The following ARAP1 variants were observed in gnomAD, a reference collection of about 807,000 sequenced individuals.
ARAP1 encodes ArfGAP with RhoGAP domain, ankyrin repeat and PH domain 1.
Under a neutral mutation model 172.2 loss-of-function variants are expected in ARAP1, and 76 were observed. The observed-to-expected ratio is 0.44, with a 90% CI of 0.37 to 0.53. The LOEUF (loss-of-function observed/expected upper bound fraction) is 0.53, where lower values mean the gene tolerates loss of function less well. ARAP1 is among the 20% of genes least tolerant of loss of function. The pLI is 0.00. For missense variants in ARAP1, 1,686 were observed against 1,977.5 expected (o/e 0.85, Z 2.80); for synonymous variants, 804 against 803.3 (o/e 1.00, Z -0.01).
At chr11:72,702,769 C>G (rs1170349452) in intron 15 of ARAP1, 136 bp downstream of exon 15, 3 of 1,156,156 alleles carry the variant, frequency 2.6e-6, no homozygotes, top group African/African-American at 3.1e-5. Context: ...ACATGCAAAC[C>G]CAAGCACACC....
chr11:72,703,072 CA>C lies in ARAP1; in HGVS notation c.1999del (p.Cys667ValfsTer64), dbSNP rs757831255. ...GNQEELDKAL[C>X]AAVTTTDLAE... ...CAGGTCTGTGGTGGTGACTGCAGCA[CA>C]CAGGGCCTAGGAAGAGGCAGGGGAG... On this transcript the variant is annotated frameshift_variant, in exon 15 of 35. Coordinates refer to ENST00000393609, the MANE Select transcript of ARAP1 (RefSeq NM_001040118.3). LOFTEE classifies it high-confidence loss of function. The C allele has an allele frequency of 6.3e-7, 1 of 1,577,172 alleles. No individual in the cohort carries two copies. The highest frequency in any genetic ancestry group is 1.1e-5 in the South Asian group (1 of 87,568).
intron 30 of ARAP1, among the ~76,000 whole-genome samples, chr11:72,692,290 G>C (rs1360462618): frequency 6.6e-6 from 1 of 152,140 alleles, no homozygotes; most frequent in Non-Finnish European, 1.5e-5. Flanking sequence ...GGAAGCCTCA[G>C]AGAGACTGCT....
At chr11:72,714,713 G>A (rs1857199710) in intron 3 of ARAP1, among the ~76,000 whole-genome samples, 1 of 152,110 alleles carries the variant, frequency 6.6e-6, no homozygotes, top group Admixed American at 6.5e-5. Flanking sequence ...CAAAGAGAAG[G>A]GACAGGATTG....
At chr11:72,721,873 G>C (rs1199262540) in intron 3 of ARAP1, 14 of 985,604 alleles carry the variant, frequency 1.4e-5, no homozygotes, top group Non-Finnish European at 1.7e-5. Flanking sequence ...CTGGGTCTTG[G>C]GGCTGAGGAC....
Position 72,697,642 on chromosome 11 carries a change from C to A in ARAP1, c.2745G>T (p.Gln915His). 1.2e-6 allele frequency: 2 copies of A among 1,614,128 alleles called. No homozygotes were observed. The highest frequency in any genetic ancestry group is 2.2e-5 in the South Asian group (2 of 91,080). ...CCAGCACCTGGTTCTCACTGTCCCCCTGGATGGCTGTGGAGGGGTTAGTCA... is the reference window on the plus strand; with the variant it reads ...CCAGCACCTGGTTCTCACTGTCCCCATGGATGGCTGTGGAGGGGTTAGTCA... ...QLRKLQELSI[Q>H]GDSENQVLVL... The change falls in exon 20 of 35, where the codon CAG (glutamine) becomes CAT (histidine). Residue 915 changes from glutamine (Q) to histidine (H), a missense_variant. This residue lies in a region of ARAP1 where 274 missense variants were observed against 262.7 expected (regional missense o/e 1.04). Coordinates refer to ENST00000393609, the MANE Select transcript of ARAP1 (RefSeq NM_001040118.3).
chr11:72,722,160 A>G (rs1488386262), intron 3 of ARAP1: 27 of 983,076 alleles, frequency 2.7e-5, no homozygotes, highest in Non-Finnish European at 3.3e-5. Context: ...ACAGAGAGAG[A>G]GAGAGAGAGA....
At chr11:72,714,366 A>C in intron 3 of ARAP1, 45 bp from the exon 4 acceptor site, 4 of 1,524,526 alleles carry the variant, frequency 2.6e-6, no homozygotes, top group Non-Finnish European at 3.5e-6. Context: ...AACAGAGCCA[A>C]GACTGAAACA....
intron 3 of ARAP1, chr11:72,721,906 G>A: frequency 1.0e-6 from 1 of 985,972 alleles, no homozygotes; most frequent in Non-Finnish European, 1.2e-6. Context: ...GGCCAGGCGG[G>A]CTGCGTATGC....
chr11:72,718,891 C>CA (rs1416186113), intron 3 of ARAP1, among the ~76,000 whole-genome samples: 4 of 152,192 alleles, frequency 2.6e-5, no homozygotes, highest in African/African-American at 9.7e-5. Flanking sequence ...CTCCAGCACT[C>CA]AGCAGGGACT....
intron 1 of ARAP1, among the ~76,000 whole-genome samples, chr11:72,737,040 CAA>C (rs1400719211): frequency 6.6e-6 from 1 of 152,186 alleles, no homozygotes; most frequent in Non-Finnish European, 1.5e-5. Flanking sequence ...CCAGCTCCTC[CAA>C]AAAGTCTGCC....
chr11:72,685,766 C>T (rs771787599), intron 34 of ARAP1, 85 bp from the exon 35 acceptor site: 1 of 1,557,412 alleles, frequency 6.4e-7, no homozygotes, highest in East Asian at 2.3e-5. Flanking sequence ...GCTGCTGCAG[C>T]CACTCTCCAC....
rs2291288 is a variant in ARAP1, at chr11:72,686,155, C to T, written c.4222G>A (p.Val1408Met). 4.4e-3 allele frequency: 7,082 copies of T among 1,613,864 alleles called. 277 individuals are homozygous for T. In the East Asian group the frequency reaches 0.085, roughly 19 times the overall value. The change falls in exon 34 of 35, where the codon GTG becomes ATG. Residue 1408 changes from valine to methionine, a missense_variant. Transcript: ENST00000393609. ...CGGACCTCAGGCACTGCCCGGGACA[C>T]GCGTGAGGGCTCTGAGGGCCACACC... ...GLVWPSEPSR[V>M]SRAVPEVRLG...
At chr11:72,723,101 A>G (rs2135567143) in intron 3 of ARAP1, among the ~76,000 whole-genome samples, 1 of 152,274 alleles carries the variant, frequency 6.6e-6, no homozygotes, top group South Asian at 2.1e-4. Flanking sequence ...TGAGCCCAGG[A>G]GTTCAAGACC....
intron 3 of ARAP1, among the ~76,000 whole-genome samples, chr11:72,718,261 G>A (rs1366684969): frequency 6.6e-6 from 1 of 152,066 alleles, no homozygotes. Flanking sequence ...CCAGGGAAAA[G>A]GCAGTGACCC....
intron 12 of ARAP1, among the ~76,000 whole-genome samples, chr11:72,706,772 C>T (rs1856782814): frequency 6.6e-6 from 1 of 152,156 alleles, no homozygotes; most frequent in Non-Finnish European, 1.5e-5. Flanking sequence ...CGCCTCCCAT[C>T]GCCCTCCAGA....
At chr11:72,689,887 G>A (rs778025575) in intron 30 of ARAP1, among the ~76,000 whole-genome samples, 1 of 152,190 alleles carries the variant, frequency 6.6e-6, no homozygotes, top group Non-Finnish European at 1.5e-5. Context: ...AACAAGATGT[G>A]GGGGAATATA....
chr11:72,685,985 G>A, intron 34 of ARAP1, 57 bp downstream of exon 34: 1 of 1,613,206 alleles, frequency 6.2e-7, no homozygotes, highest in East Asian at 2.2e-5. Flanking sequence ...TGGAGTAGAA[G>A]GCAGGCACCC....
At chr11:72,718,919 A>G (rs140871889) in intron 3 of ARAP1, among the ~76,000 whole-genome samples, 32 of 152,280 alleles carry the variant, frequency 2.1e-4, no homozygotes, top group African/African-American at 7.0e-4. Context: ...ACCTGGATTC[A>G]TTAACTCTGT....
Position 72,726,811 on chromosome 11 carries a change from T to C in ARAP1, c.318A>G (p.Thr106=), listed in dbSNP as rs1335050096. The C allele has an allele frequency of 6.4e-7, 1 of 1,560,574 alleles. No homozygotes were observed. The highest frequency in any genetic ancestry group is 8.7e-7 in the Non-Finnish European group (1 of 1,152,322). Residue 106 remains threonine (T), a synonymous_variant, in exon 3 of 35, where the codon ACA becomes ACG. Transcript: ENST00000393609. This position sits in a 1 kb window ranked among gnomAD's most constrained non-coding sequence, Gnocchi z 6.5. ...ATPPEPLPTT[T]EDEGLPAAPP... ...GGGCAGCGGGGAGCCCCTCATCCTC[T>C]GTAGTGGTGGGCAGCGGCTCGGGTG...
Sources: gnomAD v4.1 joint callset for allele counts (sites outside exome capture counted in the v4.1 genomes callset) on GRCh38, gnomAD v4.1.1 for gene constraint, gnomAD v4.1.1 regional missense constraint, Gnocchi (gnomAD v3.1) non-coding constraint, MANE v1.5 for transcripts, NCBI Gene and HGNC (gene_info 2026-07-23, HGNC 2026-07-21) for gene names.